BET1: variants seen among roughly 807,000 people sequenced by gnomAD.
The protein encoded by BET1 is Bet1 golgi vesicular membrane trafficking protein.
Under a neutral mutation model 13.9 loss-of-function variants are expected in BET1, and 9 were observed. That is an observed-to-expected ratio of 0.65 (90% confidence interval 0.39 to 1.13). The LOEUF is 1.13. Ranked by LOEUF, BET1 falls within the 50% of genes most tolerant of loss-of-function variation. The probability of loss-of-function intolerance (pLI) is 0.01; values close to 1 mark genes in which losing one functional copy is unlikely to be tolerated. For synonymous variants in BET1, 39 were observed against 47.3 expected, an observed-to-expected ratio of 0.82 and a Z score of 0.72; for missense variants, 127 against 133.6, an observed-to-expected ratio of 0.95 and a Z score of 0.24.
chr7:93,976,057 G>A, exon 5 of BET1: 1 of 1,275,078 alleles, frequency 7.8e-7, no homozygotes, highest in Non-Finnish European at 1.0e-6. Flanking sequence ...GCAGAAGTAG[G>A]CTTTCACTGC....
At chr7:93,975,317 A>C (rs1795319432) in intron 5 of BET1, among the ~76,000 whole-genome samples, 1 of 152,118 alleles carries the variant, frequency 6.6e-6, no homozygotes, top group East Asian at 1.9e-4. Flanking sequence ...CTTTTCTGTA[A>C]GTAATGTTCT....
At chr7:93,983,673 C>T (rs1015271783) in intron 4 of BET1, among the ~76,000 whole-genome samples, 3 of 152,064 alleles carry the variant, frequency 2.0e-5, no homozygotes, top group African/African-American at 7.2e-5. Flanking sequence ...GAATATTTTC[C>T]TTGATTTCAG....
At position 93,969,918 on chromosome 7, in the gene BET1, T is replaced by G. The variant is rs370819580; in HGVS notation, c.*137+2657A>C. On this transcript the variant is annotated intron_variant and NMD_transcript_variant, in intron 6 of 6. Coordinates refer to the BET1 transcript ENST00000357520. ...TTCAAAATTGAATTGCAGAAAACAA[T>G]GTATACTATTTGAAATCAATCTTGG... Among the ~76,000 whole-genome samples, 18 of 151,748 alleles carry G rather than the reference T, an allele frequency of 1.2e-4. No homozygotes were observed. The East Asian group carries it at 2.7e-3, about 23-fold the overall frequency.
intron 3 of BET1, among the ~76,000 whole-genome samples, chr7:93,994,627 C>T (rs1795721279): frequency 6.6e-6 from 1 of 152,200 alleles, no homozygotes; most frequent in African/African-American, 2.4e-5. Context: ...TTCAGCTCCA[C>T]AGAGTAATTC....
intron 4 of BET1, among the ~76,000 whole-genome samples, chr7:93,977,790 C>T (rs928199329): frequency 1.3e-5 from 2 of 152,140 alleles, no homozygotes; most frequent in East Asian, 3.9e-4. Context: ...TGTCAATCTT[C>T]CATTCTTCCA....
chr7:93,966,338 T>C (rs1252299755), intron 6 of BET1, among the ~76,000 whole-genome samples: 1 of 152,012 alleles, frequency 6.6e-6, no homozygotes, highest in Non-Finnish European at 1.5e-5. Flanking sequence ...GAGATGCATG[T>C]TTTTGTTCTG....
At chr7:93,974,710 G>A (rs910099464) in intron 5 of BET1, among the ~76,000 whole-genome samples, 5 of 151,958 alleles carry the variant, frequency 3.3e-5, no homozygotes, top group African/African-American at 9.7e-5. Context: ...GAAGGAATGA[G>A]GGAAATGGAA....
In BET1 at chr7:93,971,488, G is replaced by T. The variant is rs529131089; in HGVS notation, c.*137+1087C>A. On this transcript the variant is annotated intron_variant and NMD_transcript_variant, in intron 6 of 6. Transcript: ENST00000357520. ...GTTAATGCTGAAATGAAAGTGGCATGCAAATCTCCCAATTCAGGAAGAAAA... is the reference window on the plus strand; with the variant it reads ...GTTAATGCTGAAATGAAAGTGGCATTCAAATCTCCCAATTCAGGAAGAAAA... 4.0e-5 allele frequency among the ~76,000 whole-genome samples: 6 copies of T among 151,888 alleles called. No homozygotes were observed. The South Asian group carries it at 1.0e-3, about 26-fold the overall frequency.
At chr7:93,976,101 C>T (rs1333805749) in intron 4 of BET1, 13 of 1,207,326 alleles carry the variant, frequency 1.1e-5, no homozygotes, top group Non-Finnish European at 1.4e-5. Flanking sequence ...GAAGGATCCA[C>T]TGTAAAAACA....
At chr7:94,003,891 C>A (rs1176607159) in intron 1 of BET1, among the ~76,000 whole-genome samples, 2 of 152,026 alleles carry the variant, frequency 1.3e-5, no homozygotes, top group Admixed American at 1.3e-4. Flanking sequence ...ATAGCAGCGT[C>A]CATAACCACG....
At chr7:93,976,822 A>G (rs539226314) in intron 4 of BET1, among the ~76,000 whole-genome samples, 107 of 152,110 alleles carry the variant, frequency 7.0e-4, no homozygotes, top group Admixed American at 1.8e-3. Flanking sequence ...TTTATCCCTT[A>G]CTACCCTCCC....
chr7:93,988,994 T>A (rs555980539), downstream of BET1, among the ~76,000 whole-genome samples: 180 of 147,662 alleles, frequency 1.2e-3, 6 homozygotes, highest in South Asian at 0.034. Context: ...ATATATAAAA[T>A]ATATATATAT....
chr7:93,988,365 G>A (rs748031584), downstream of BET1, among the ~76,000 whole-genome samples: 10 of 152,076 alleles, frequency 6.6e-5, no homozygotes, highest in African/African-American at 2.2e-4. Flanking sequence ...TTTTGAAGAC[G>A]TTAACAGTTT....
At chr7:93,972,811 G>A (rs1230147127) in intron 5 of BET1, 1 of 149,044 alleles carries the variant, frequency 6.7e-6, no homozygotes, top group African/African-American at 2.4e-5. Context: ...TTTCCTTAGG[G>A]AAAAAAAGTG....
downstream of BET1, among the ~76,000 whole-genome samples, chr7:93,988,900 A>G (rs996567425): frequency 6.7e-6 from 1 of 149,962 alleles, no homozygotes; most frequent in African/African-American, 2.4e-5. Flanking sequence ...ATTAATTCTA[A>G]GACACACAGT....
chr7:93,982,941 G>A (rs1462436392), intron 4 of BET1, among the ~76,000 whole-genome samples: 1 of 152,038 alleles, frequency 6.6e-6, no homozygotes, highest in Non-Finnish European at 1.5e-5. Flanking sequence ...CGAAGGTTCT[G>A]ATGTTCTTTA....
Position 93,993,891 on chromosome 7 carries a change from T to A in BET1, c.*339A>T. The A allele has an allele frequency of 1.3e-6, 2 of 1,535,904 alleles. No individual in the cohort carries two copies. The highest frequency in any genetic ancestry group is 8.7e-7 in the Non-Finnish European group (1 of 1,146,798). Reference sequence around the variant, plus strand: ...CATTCTGTTACTCTCCCACTAAGTTTCCTTACATGGGACATAAACCTGCAT... The same window carrying A: ...CATTCTGTTACTCTCCCACTAAGTTACCTTACATGGGACATAAACCTGCAT... On this transcript the variant is annotated 3_prime_UTR_variant, in exon 4 of 4. Coordinates refer to ENST00000222547, the MANE Select transcript of BET1 (RefSeq NM_005868.6).
In BET1 at chr7:93,986,690, A is replaced by T. The variant is rs943586208; in HGVS notation, c.235+7662T>A. ...AAATGCAGACTTCTTGGCTAAGGTCAACAATGGAAAACATATATAATGGTG... is the reference window on the plus strand; with the variant it reads ...AAATGCAGACTTCTTGGCTAAGGTCTACAATGGAAAACATATATAATGGTG... On this transcript the variant is annotated intron_variant and NMD_transcript_variant, in intron 4 of 6. Coordinates refer to the BET1 transcript ENST00000357520. Among the ~76,000 whole-genome samples, 4 of 152,232 alleles carry T rather than the reference A, an allele frequency of 2.6e-5. No homozygotes were observed. The East Asian group carries it at 7.7e-4, about 29-fold the overall frequency.
chr7:93,969,710 A>C (rs890394115), intron 6 of BET1: 6 of 151,800 alleles, frequency 4.0e-5, no homozygotes, highest in African/African-American at 1.4e-4. Context: ...AGTCAGTGCA[A>C]TCTCACACGG....
Sources: gnomAD v4.1 joint callset for allele counts (sites outside exome capture counted in the v4.1 genomes callset) on GRCh38, gnomAD v4.1.1 for gene constraint, MANE v1.5 for transcripts, NCBI Gene and HGNC (gene_info 2026-07-23, HGNC 2026-07-21) for gene names.